The following C4orf50 variants were observed in gnomAD, a reference collection of about 807,000 sequenced individuals.
C4orf50 encodes the protein uncharacterized protein C4orf50.
Under a neutral mutation model 77.2 loss-of-function variants are expected in C4orf50, and 80 were observed. That is an observed-to-expected ratio of 1.04 (90% CI 0.87 to 1.25). The LOEUF (loss-of-function observed/expected upper bound fraction) is 1.25, where lower values mean the gene tolerates loss of function less well. C4orf50 is among the 50% of genes most tolerant of loss of function. The probability of loss-of-function intolerance (pLI) is 0.00; values close to 1 mark genes in which losing one functional copy is unlikely to be tolerated. For synonymous variants in C4orf50, 532 were observed against 465.3 expected, an observed-to-expected ratio of 1.14 and a Z score of -1.84; for missense variants, 1,257 against 1,152.9, an observed-to-expected ratio of 1.09 and a Z score of -1.31.
chr4:5,982,350 G>T (rs1291851986), intron 28 of C4orf50, among the ~76,000 whole-genome samples: 2 of 152,208 alleles, frequency 1.3e-5, no homozygotes, highest in African/African-American at 4.8e-5. Flanking sequence ...CAGCAGCCCT[G>T]TGAGCTGCCC....
chr4:5,980,459 T>G (rs1348000889), intron 28 of C4orf50, 121 bp from the exon 7 acceptor site: 16 of 851,548 alleles, frequency 1.9e-5, no homozygotes, highest in Middle Eastern at 2.5e-4. Context: ...GTTGTTTTCC[T>G]GCTTATATTT....
In C4orf50 at chr4:5,975,354, C is replaced by T. The variant is rs1350143578; in HGVS notation, c.3921+545G>A. Among the ~76,000 whole-genome samples, 6 of 151,968 alleles carry T rather than the reference C, an allele frequency of 3.9e-5. No individual in the cohort carries two copies. In the East Asian group the frequency reaches 5.8e-4, roughly 15 times the overall value. On this transcript the variant is annotated intron_variant, in intron 30 of 33. Coordinates refer to ENST00000531445, the Ensembl canonical transcript of C4orf50. ...GGACCCACCTCCTAGGTCACCCCATCGAGTGGGAACAGCAGGAGGCAAACG... is the reference window on the plus strand; with the variant it reads ...GGACCCACCTCCTAGGTCACCCCATTGAGTGGGAACAGCAGGAGGCAAACG...
rs1717805013 is a variant in C4orf50 at position 5,932,347 on chromosome 4, C to T, written c.*2474+24554G>A. Reference sequence around the variant, plus strand: ...TCCAGCCATCAAAGAGGGAGGCAGGCAGCGGACAGCTTGCCTGGTGCTGTC... The same window carrying T: ...TCCAGCCATCAAAGAGGGAGGCAGGTAGCGGACAGCTTGCCTGGTGCTGTC... On this transcript the variant is annotated intron_variant, in intron 7 of 7. Transcript: ENST00000324058. This position sits in a 1 kb window ranked among gnomAD's most constrained non-coding sequence, Gnocchi z 4.2. Among the ~76,000 whole-genome samples, 2 of 152,196 alleles carry T rather than the reference C, an allele frequency of 1.3e-5. No homozygotes were observed. Among genetic ancestry groups the T allele is most frequent in the Non-Finnish European group, 1.5e-5 (1 of 68,042 alleles).
chr4:6,015,852 C>G lies in C4orf50; in HGVS notation c.287+2293G>C, dbSNP rs565761434. On this transcript the variant is annotated intron_variant, in intron 23 of 33. Coordinates refer to ENST00000531445, the Ensembl canonical transcript of C4orf50. The surrounding 1 kb of genome is among the most constrained non-coding windows in gnomAD (Gnocchi z 4.4). Reference sequence around the variant, plus strand: ...CACTGCCATCCCTAGACTCAACCCTCTCTGTCTCCCTCTCGCAAGGATACT... The same window carrying G: ...CACTGCCATCCCTAGACTCAACCCTGTCTGTCTCCCTCTCGCAAGGATACT... Among the ~76,000 whole-genome samples the G allele has an allele frequency of 1.4e-4, 21 of 152,344 alleles. No homozygotes were observed. Among genetic ancestry groups the G allele is most frequent in the Non-Finnish European group, 2.6e-4 (18 of 68,036 alleles).
intron 30 of C4orf50, 73 bp from the exon 9 acceptor site, chr4:5,973,914 G>A (rs986564213): frequency 2.2e-5 from 28 of 1,282,642 alleles, no homozygotes; most frequent in Non-Finnish European, 2.9e-5. Flanking sequence ...GCTGGGGGCC[G>A]GAGGGTCAGC....
At position 6,017,001 on chromosome 4, in the gene C4orf50, T is replaced by C. The variant is rs2108816644; in HGVS notation, c.287+1144A>G. On this transcript the variant is annotated intron_variant, in intron 23 of 33. Coordinates refer to ENST00000531445, the Ensembl canonical transcript of C4orf50. The surrounding 1 kb of genome is among the most constrained non-coding windows in gnomAD (Gnocchi z 4.7). ...GCTTCCATGCTGGGTTTCGCTGATC[T>C]ATATACAAGGCCCAACCTCGTTCTG... Among the ~76,000 whole-genome samples the C allele has an allele frequency of 6.6e-6, 1 of 152,284 alleles. No individual in the cohort carries two copies. Among genetic ancestry groups the C allele is most frequent in the African/African-American group, 2.4e-5 (1 of 41,546 alleles).
Position 5,908,358 on chromosome 4 carries a change from G to A in C4orf50, c.*2475-10170C>T, listed in dbSNP as rs1716647221. ...GTACATGCAGGAAGCTCACTGCACTGCACTGCATGTGTGGGGATATCAGAG... is the reference window on the plus strand; with the variant it reads ...GTACATGCAGGAAGCTCACTGCACTACACTGCATGTGTGGGGATATCAGAG... On this transcript the variant is annotated intron_variant, in intron 7 of 7. Transcript: ENST00000324058. This position sits in a 1 kb window ranked among gnomAD's most constrained non-coding sequence, Gnocchi z 5.6. Among the ~76,000 whole-genome samples, 1 of 152,142 alleles carries A rather than the reference G, an allele frequency of 6.6e-6. No individual in the cohort carries two copies. The highest frequency in any genetic ancestry group is 2.4e-5 in the African/African-American group (1 of 41,438).
At chr4:5,945,478 A>G (rs963449290) in intron 7 of C4orf50, among the ~76,000 whole-genome samples, 1 of 152,180 alleles carries the variant, frequency 6.6e-6, no homozygotes, top group Non-Finnish European at 1.5e-5. Context: ...ATTGACAAAC[A>G]TGGCTCGTGA....
rs1372549869 is a variant in C4orf50, at chr4:5,948,192, C to A, written c.*2474+8709G>T. ...GAGCAAGGCTCATACAGCACATAAG[C>A]TTTGCAGGTGCGAAAATTCAATTAA... On this transcript the variant is annotated intron_variant, in intron 7 of 7. Coordinates refer to the C4orf50 transcript ENST00000324058. Among the ~76,000 whole-genome samples, 4 of 152,354 alleles carry A rather than the reference C, an allele frequency of 2.6e-5. No homozygotes were observed. In the East Asian group the frequency reaches 7.7e-4, roughly 29 times the overall value.
chr4:5,977,080 G>A (rs1431679920), intron 29 of C4orf50, among the ~76,000 whole-genome samples: 1 of 152,194 alleles, frequency 6.6e-6, no homozygotes, highest in Non-Finnish European at 1.5e-5. Context: ...GGCACCAGCG[G>A]GAGCTGCCTT....
chr4:5,967,551 A>G, intron 31 of C4orf50, 89 bp from the exon 10 acceptor site: 1 of 1,231,234 alleles, frequency 8.1e-7, no homozygotes, highest in Non-Finnish European at 1.2e-6. Flanking sequence ...AAGCAGGGCC[A>G]TCACCCCTCC....
chr4:6,002,258 T>C (rs4432699), intron 25 of C4orf50, among the ~76,000 whole-genome samples: 113,233 of 151,874 alleles, frequency 0.75, 43,310 homozygotes, highest in African/African-American at 0.91. Flanking sequence ...CGTCTGCAAG[T>C]CAAAGATTGC....
chr4:5,987,312 G>A (rs1720919801), intron 28 of C4orf50, among the ~76,000 whole-genome samples: 1 of 148,974 alleles, frequency 6.7e-6, no homozygotes, highest in Non-Finnish European at 1.5e-5. Flanking sequence ...TTGGGAGGCT[G>A]AGGCAGGAGA....
intron 31 of C4orf50, among the ~76,000 whole-genome samples, 189 bp from the exon 10 acceptor site, chr4:5,967,651 C>CA (rs11415730): frequency 0.7 from 106,233 of 152,070 alleles, 38,300 homozygotes; most frequent in African/African-American, 0.83. Flanking sequence ...CAAAGGAAAA[C>CA]GGAATTGGTT....
intron 7 of C4orf50, among the ~76,000 whole-genome samples, chr4:5,948,791 TC>T (rs1382208902): frequency 8.1e-4 from 103 of 126,846 alleles, no homozygotes; most frequent in African/African-American, 3.0e-3. Flanking sequence ...AGACACCATC[TC>T]CAAAAAAAAA....
chr4:6,008,406 G>A lies in C4orf50; in HGVS notation c.553C>T (p.Arg185Trp). The change falls in exon 25 of 34, where the codon CGG (arginine) becomes TGG (tryptophan). Residue 185 changes from arginine to tryptophan, a missense_variant. Transcript: ENST00000531445. The surrounding 1 kb of genome is among the most constrained non-coding windows in gnomAD (Gnocchi z 6.0). ...TCCCGCACCAGGCCCAGCTGGCGCC[G>A]CTGGGTCCGCCGGCAGCGCTCCAGG... is the stretch of plus-strand genomic sequence containing the variant. 2.5e-6 allele frequency: 1 copy of A among 394,514 alleles called. No individual in the cohort carries two copies. Among genetic ancestry groups the A allele is most frequent in the East Asian group, 3.6e-5 (1 of 27,750 alleles). The allele number at this position is 394,514 out of a possible 1,614,324, so 24.4% of individuals were successfully genotyped here.
At chr4:5,898,267 C>T (rs1191352633) in intron 7 of C4orf50, 1 of 152,202 alleles carries the variant, frequency 6.6e-6, no homozygotes, top group Non-Finnish European at 1.5e-5. Context: ...GTTGTGCAAA[C>T]CCGAACTGTG....
At chr4:5,967,773 T>A (rs976052672) in intron 31 of C4orf50, among the ~76,000 whole-genome samples, 3 of 152,226 alleles carry the variant, frequency 2.0e-5, no homozygotes, top group Non-Finnish European at 4.4e-5. Context: ...TTAAAAAACA[T>A]TTTAATGAGG....
intron 31 of C4orf50, among the ~76,000 whole-genome samples, chr4:5,973,110 C>T (rs1410923777): frequency 6.6e-6 from 1 of 152,210 alleles, no homozygotes; most frequent in Non-Finnish European, 1.5e-5. Flanking sequence ...CGGCTCTGGG[C>T]CCATCGGAGA....
Sources: allele counts gnomAD v4.1 joint callset (sites outside exome capture counted in the v4.1 genomes callset), GRCh38; gene constraint gnomAD v4.1.1; non-coding constraint Gnocchi (gnomAD v3.1); transcripts MANE v1.5; gene names NCBI Gene and HGNC (gene_info 2026-07-23, HGNC 2026-07-21).